CDH18: variants seen among roughly 807,000 people sequenced by gnomAD.
CDH18 encodes the protein cadherin-18.
In CDH18, 31 loss-of-function variants were observed where a neutral mutation model predicts 67.9. The ratio of observed to expected loss-of-function variants is 0.46; its 90% CI spans 0.34 to 0.62. CDH18 has a LOEUF of 0.62. Ranked by LOEUF, CDH18 falls within the 20% of genes least tolerant of loss-of-function variation. The probability of loss-of-function intolerance (pLI) is 0.01; values close to 1 mark genes in which losing one functional copy is unlikely to be tolerated. For missense variants in CDH18, 890 were observed against 975.5 expected, an observed-to-expected ratio of 0.91 and a Z score of 1.17; for synonymous variants, 362 against 347.2, an observed-to-expected ratio of 1.04 and a Z score of -0.48.
At chr5:20,032,381 G>T (rs1296759798) in intron 2 of CDH18, among the ~76,000 whole-genome samples, 1 of 151,860 alleles carries the variant, frequency 6.6e-6, no homozygotes, top group Non-Finnish European at 1.5e-5. Context: ...TACAGAGATA[G>T]TAGAGATAAA....
At chr5:19,932,122 A>G (rs1793760937) in intron 2 of CDH18, among the ~76,000 whole-genome samples, 1 of 151,812 alleles carries the variant, frequency 6.6e-6, no homozygotes, top group African/African-American at 2.4e-5. Flanking sequence ...ATGAGAATGA[A>G]CTGTAGATTC....
chr5:20,490,388 T>C (rs1376036076), intron 1 of CDH18, among the ~76,000 whole-genome samples: 1 of 152,132 alleles, frequency 6.6e-6, no homozygotes, highest in Non-Finnish European at 1.5e-5. Flanking sequence ...TGGGGTTTAG[T>C]TCTCCTGACT....
intron 1 of CDH18, among the ~76,000 whole-genome samples, chr5:20,411,305 G>T (rs540966929): frequency 1.6e-4 from 24 of 151,922 alleles, no homozygotes; most frequent in Non-Finnish European, 2.7e-4. Context: ...CCCACACACG[G>T]TCAGCTGTTG....
intron 2 of CDH18, among the ~76,000 whole-genome samples, chr5:20,135,246 T>C (rs1445806937): frequency 6.6e-6 from 1 of 152,164 alleles, no homozygotes; most frequent in African/African-American, 2.4e-5. Context: ...TTGAAATTCT[T>C]TGGGAATACC....
chr5:20,507,516 T>C (rs1308205771), intron 1 of CDH18, among the ~76,000 whole-genome samples: 1 of 152,118 alleles, frequency 6.6e-6, no homozygotes, highest in Non-Finnish European at 1.5e-5. Flanking sequence ...GAGAACACAT[T>C]TAGGTTTGGA....
At chr5:20,278,078 T>C (rs1434179171) in intron 1 of CDH18, among the ~76,000 whole-genome samples, 2 of 152,104 alleles carry the variant, frequency 1.3e-5, no homozygotes, top group Admixed American at 1.3e-4. Context: ...AGATAGATAA[T>C]GAGAGCCTGG....
intron 1 of CDH18, among the ~76,000 whole-genome samples, chr5:20,410,495 G>C (rs539783789): frequency 6.6e-6 from 1 of 151,590 alleles, no homozygotes; most frequent in African/African-American, 2.4e-5. Flanking sequence ...ATATAATAAT[G>C]GCCATATCCT....
chr5:20,332,372 A>G (rs1453095706), intron 1 of CDH18, among the ~76,000 whole-genome samples: 1 of 152,000 alleles, frequency 6.6e-6, no homozygotes, highest in Middle Eastern at 3.2e-3. Context: ...TTTTCTTTTT[A>G]CTTCTTGTCA....
intron 3 of CDH18, among the ~76,000 whole-genome samples, chr5:19,795,359 C>G (rs1450411469): frequency 2.0e-5 from 3 of 152,164 alleles, no homozygotes; most frequent in African/African-American, 2.4e-5. Context: ...AAAGCTCTGT[C>G]TAAGTACAGC....
intron 5 of CDH18, among the ~76,000 whole-genome samples, chr5:19,683,365 T>C (rs1464599184): frequency 2.0e-5 from 3 of 152,088 alleles, no homozygotes; most frequent in South Asian, 2.1e-4. Flanking sequence ...TTGTCATCCA[T>C]ATGGCCTCTT....
At chr5:19,856,991 G>A (rs1283139883) in intron 2 of CDH18, among the ~76,000 whole-genome samples, 1 of 152,116 alleles carries the variant, frequency 6.6e-6, no homozygotes, top group Non-Finnish European at 1.5e-5. Flanking sequence ...GGAAGGCTGA[G>A]GCAGAAGGAT....
chr5:19,893,749 CTTG>C (rs1180674372), intron 2 of CDH18, among the ~76,000 whole-genome samples: 1 of 152,034 alleles, frequency 6.6e-6, no homozygotes, highest in Non-Finnish European at 1.5e-5. Flanking sequence ...CTTTTCAGCA[CTTG>C]TTGTTTGTTA....
intron 1 of CDH18, among the ~76,000 whole-genome samples, chr5:20,389,675 G>C (rs180834001): frequency 3.3e-5 from 5 of 151,976 alleles, no homozygotes; most frequent in African/African-American, 1.2e-4. Context: ...AGCCCGCATC[G>C]CCAAGTCAAT....
chr5:20,133,664 C>G (rs141648021), intron 2 of CDH18, among the ~76,000 whole-genome samples: 1 of 152,186 alleles, frequency 6.6e-6, no homozygotes, highest in East Asian at 1.9e-4. Flanking sequence ...TTACCCGTAT[C>G]ATTCTTTATA....
At chr5:19,670,917 A>G (rs1415232994) in intron 5 of CDH18, among the ~76,000 whole-genome samples, 1 of 152,188 alleles carries the variant, frequency 6.6e-6, no homozygotes, top group Non-Finnish European at 1.5e-5. Flanking sequence ...AAGAATGTCT[A>G]GTTTATTTTG....
intron 2 of CDH18, among the ~76,000 whole-genome samples, chr5:19,884,044 A>G (rs1365934668): frequency 6.6e-6 from 1 of 152,106 alleles, no homozygotes; most frequent in African/African-American, 2.4e-5. Context: ...ATGGGTTGTC[A>G]GTTGGATATG....
chr5:19,782,824 T>C (rs189236339), intron 3 of CDH18, among the ~76,000 whole-genome samples: 8 of 152,338 alleles, frequency 5.3e-5, no homozygotes, highest in African/African-American at 1.9e-4. Flanking sequence ...AAACTCTGCA[T>C]GGAGAAGACA....
intron 3 of CDH18, among the ~76,000 whole-genome samples, chr5:19,761,138 C>A (rs1342021974): frequency 6.6e-6 from 1 of 152,138 alleles, no homozygotes; most frequent in African/African-American, 2.4e-5. Flanking sequence ...CACTGCAGGT[C>A]AGCCACTCAC....
intron 5 of CDH18, among the ~76,000 whole-genome samples, chr5:19,719,921 G>GAAAGAA (rs1183511666): frequency 6.9e-6 from 1 of 145,322 alleles, no homozygotes. Flanking sequence ...AAGAAAGAAA[G>GAAAGAA]AAAGAAAGAA....
Sources: gnomAD v4.1 joint callset for allele counts (sites outside exome capture counted in the v4.1 genomes callset) on GRCh38, gnomAD v4.1.1 for gene constraint, MANE v1.5 for transcripts, NCBI Gene and HGNC (gene_info 2026-07-23, HGNC 2026-07-21) for gene names.